Variants in CADPS observed in about 807,000 individuals in gnomAD.
CADPS encodes calcium-dependent secretion activator 1.
Under a neutral mutation model 167.3 loss-of-function variants are expected in CADPS, and 57 were observed. The ratio of observed to expected loss-of-function variants is 0.34; its 90% CI spans 0.28 to 0.42. The LOEUF (loss-of-function observed/expected upper bound fraction) is 0.42, where lower values mean the gene tolerates loss of function less well. Ranked by LOEUF, CADPS falls within the 20% of genes least tolerant of loss-of-function variation. The pLI is 1.00. For missense variants in CADPS, 1,414 were observed against 1,738.1 expected (o/e 0.81, Z 3.32); for synonymous variants, 676 against 635.3 (o/e 1.06, Z -0.96).
In CADPS at chr3:62,445,722, A is replaced by AC. The variant is rs1560479398; in HGVS notation, c.3669+42_3669+43insG. On this transcript the variant is annotated intron_variant, in intron 27 of 29. Coordinates refer to ENST00000383710, the MANE Select transcript of CADPS (RefSeq NM_003716.4). Reference sequence around the variant, plus strand: ...ACAAAAAGTAAAAATGAAAAAAAAAAAAAACAAAAAAACCCCATGAGAAAC... The same window carrying AC: ...ACAAAAAGTAAAAATGAAAAAAAAAACAAAACAAAAAAACCCCATGAGAAAC... The AC allele has an allele frequency of 3.6e-6, 5 of 1,402,308 alleles. 1 individual carries two copies. The highest frequency in any genetic ancestry group is 2.7e-5 in the South Asian group (2 of 73,330). The allele number at this position is 1,402,308 out of a possible 1,614,324, so 86.9% of individuals were successfully genotyped here.
chr3:62,492,157 G>A, intron 20 of CADPS, 133 bp downstream of exon 20: 1 of 740,246 alleles, frequency 1.4e-6, no homozygotes, highest in Non-Finnish European at 2.3e-6. Flanking sequence ...TTCTTTTTGG[G>A]GGGTGGGGTT....
At chr3:62,445,718 A>G in intron 27 of CADPS, 47 bp downstream of exon 27, 1 of 1,365,450 alleles carries the variant, frequency 7.3e-7, no homozygotes, top group South Asian at 1.4e-5. Context: ...AAATGAAAAA[A>G]AAAAAAAACA....
intron 8 of CADPS, among the ~76,000 whole-genome samples, chr3:62,584,514 T>C (rs1208226823): frequency 1.3e-5 from 2 of 152,222 alleles, no homozygotes; most frequent in African/African-American, 4.8e-5. Flanking sequence ...GATTATCATG[T>C]TTTCTGAGAT....
intron 1 of CADPS, among the ~76,000 whole-genome samples, chr3:62,822,417 G>A (rs1337702622): frequency 6.6e-6 from 1 of 152,192 alleles, no homozygotes; most frequent in Non-Finnish European, 1.5e-5. Context: ...TTGAGCACCA[G>A]GCATGAGGCA....
intron 27 of CADPS, chr3:62,439,313 G>GT (rs778196421): frequency 6.6e-6 from 1 of 152,248 alleles, no homozygotes; most frequent in East Asian, 1.9e-4. Flanking sequence ...CAGTAGGACT[G>GT]TATTTTTTTT....
intron 10 of CADPS, among the ~76,000 whole-genome samples, chr3:62,552,375 T>G (rs1241128678): frequency 1.3e-5 from 2 of 152,136 alleles, no homozygotes; most frequent in African/African-American, 4.8e-5. Context: ...ACTTAAAGTA[T>G]AAAAAATAAA....
intron 20 of CADPS, 26 bp downstream of exon 20, chr3:62,492,264 G>C: frequency 6.2e-7 from 1 of 1,607,406 alleles, no homozygotes; most frequent in African/African-American, 1.3e-5. Context: ...ACTTAGGAAA[G>C]TCAAACAGTC....
chr3:62,684,609 T>C (rs1197175239), intron 3 of CADPS, among the ~76,000 whole-genome samples: 1 of 152,006 alleles, frequency 6.6e-6, no homozygotes, highest in Non-Finnish European at 1.5e-5. Context: ...TACCCAAGAT[T>C]CAACTAAACA....
At chr3:62,402,251 G>T (rs1221901056) in intron 29 of CADPS, among the ~76,000 whole-genome samples, 2 of 94,544 alleles carry the variant, frequency 2.1e-5, no homozygotes, top group South Asian at 3.8e-4. Context: ...GGGGGGGGGG[G>T]TGCCCAGGAG....
At chr3:62,464,830 C>G (rs950976293) in intron 26 of CADPS, among the ~76,000 whole-genome samples, 45 of 152,076 alleles carry the variant, frequency 3.0e-4, no homozygotes, top group African/African-American at 1.0e-3. Context: ...AGACACAGCT[C>G]CAGCAGAGTT....
intron 28 of CADPS, among the ~76,000 whole-genome samples, chr3:62,418,761 A>T (rs2050715663): frequency 6.6e-6 from 1 of 152,012 alleles, no homozygotes; most frequent in Non-Finnish European, 1.5e-5. Flanking sequence ...ATATCAAAAT[A>T]TACCTTCCCC....
chr3:62,765,727 AT>A (rs1296864735), intron 2 of CADPS, 143 bp downstream of exon 2: 2 of 535,034 alleles, frequency 3.7e-6, no homozygotes, highest in Admixed American at 6.7e-5. Context: ...ATTTCTTAAC[AT>A]TGTAACGAAT....
chr3:62,742,458 C>T (rs1467727558), intron 3 of CADPS, among the ~76,000 whole-genome samples: 1 of 151,916 alleles, frequency 6.6e-6, no homozygotes, highest in Non-Finnish European at 1.5e-5. Context: ...AATAGAGAAC[C>T]CAAAAATAAG....
At chr3:62,807,818 G>C (rs923839377) in intron 1 of CADPS, among the ~76,000 whole-genome samples, 2 of 151,866 alleles carry the variant, frequency 1.3e-5, no homozygotes, top group African/African-American at 4.8e-5. Context: ...TTTGTCAAGA[G>C]GGTGCTATTT....
At chr3:62,726,865 T>G (rs556678883) in intron 3 of CADPS, among the ~76,000 whole-genome samples, 2 of 151,880 alleles carry the variant, frequency 1.3e-5, no homozygotes, top group Non-Finnish European at 2.9e-5. Flanking sequence ...CAAGTTTCCA[T>G]CTGGTATTGG....
chr3:62,581,516 A>T (rs957601479), intron 8 of CADPS, among the ~76,000 whole-genome samples: 8 of 151,388 alleles, frequency 5.3e-5, no homozygotes, highest in Non-Finnish European at 8.8e-5. Context: ...ACCTCTACAA[A>T]TTTTTTTAAA....
chr3:62,555,105 G>C (rs1289268685), intron 10 of CADPS, among the ~76,000 whole-genome samples: 1 of 152,186 alleles, frequency 6.6e-6, no homozygotes, highest in Non-Finnish European at 1.5e-5. Context: ...ACAACTGAGA[G>C]AATTTAAGTC....
At chr3:62,430,918 A>T (rs1388628865) in intron 28 of CADPS, among the ~76,000 whole-genome samples, 4 of 152,100 alleles carry the variant, frequency 2.6e-5, no homozygotes, top group African/African-American at 9.7e-5. Context: ...GAAAGAATCA[A>T]CTGTCTCTTC....
In CADPS at chr3:62,792,354, C is replaced by A. The variant is rs530067915; in HGVS notation, c.442-26370G>T. On this transcript the variant is annotated intron_variant, in intron 1 of 29. Transcript: ENST00000383710. The stretch of plus-strand genomic sequence containing the variant: ...GAGCAGCTTGGACTACAGGCATGCA[C>A]CCCCATGCCTGGCTAATTTTTAAAT... 2.0e-5 allele frequency among the ~76,000 whole-genome samples: 3 copies of A among 151,844 alleles called. No individual in the cohort carries two copies. The South Asian group carries it at 6.2e-4, about 32-fold the overall frequency.
Sources: gnomAD v4.1 joint callset for allele counts (sites outside exome capture counted in the v4.1 genomes callset) on GRCh38, gnomAD v4.1.1 for gene constraint, MANE v1.5 for transcripts, NCBI Gene and HGNC (gene_info 2026-07-23, HGNC 2026-07-21) for gene names.